GRIK2: variants seen among roughly 807,000 people sequenced by gnomAD.
GRIK2 encodes glutamate ionotropic receptor kainate type subunit 2.
GRIK2 carries 32 observed loss-of-function variants against 100.3 expected under a neutral mutation model. The observed-to-expected ratio is 0.32, with a 90% CI of 0.24 to 0.43. The LOEUF (loss-of-function observed/expected upper bound fraction) is 0.43. GRIK2 is among the 20% of genes least tolerant of loss of function. GRIK2 has a pLI of 1.00. For missense variants in GRIK2, 843 were observed against 1,114.9 expected (o/e 0.76, Z 3.47); for synonymous variants, 417 against 389.4 (o/e 1.07, Z -0.83).
chr6:102,020,360 G>A (rs564610643), intron 14 of GRIK2, among the ~76,000 whole-genome samples: 1 of 151,978 alleles, frequency 6.6e-6, no homozygotes, highest in African/African-American at 2.4e-5. Flanking sequence ...GAGATATTGG[G>A]ATCAACTCAG....
rs1769984596 is a variant in GRIK2, at chr6:102,031,255, C to T, written c.2086-4086C>T. Among the ~76,000 whole-genome samples, 10 of 151,034 alleles carry T rather than the reference C, an allele frequency of 6.6e-5. 1 individual carries two copies. The South Asian group carries it at 2.1e-3, about 31-fold the overall frequency. On this transcript the variant is annotated intron_variant, in intron 14 of 16. Coordinates refer to ENST00000369134, the MANE Select transcript of GRIK2 (RefSeq NM_021956.5). ...ACATCCATTGTAGTCTTAGTGATCT[C>T]TTCAAAATGCAAATCTGATTTCATC...
intron 2 of GRIK2, among the ~76,000 whole-genome samples, chr6:101,487,009 G>A (rs1772868541): frequency 6.8e-6 from 1 of 146,194 alleles, no homozygotes; most frequent in African/African-American, 2.6e-5. Flanking sequence ...CCCTTTTCAG[G>A]CAGTTTCATA....
At chr6:101,455,860 A>T (rs1770979836) in intron 2 of GRIK2, among the ~76,000 whole-genome samples, 1 of 152,080 alleles carries the variant, frequency 6.6e-6, no homozygotes, top group African/African-American at 2.4e-5. Flanking sequence ...ATGGGATCTG[A>T]TTGTACTATA....
intron 12 of GRIK2, among the ~76,000 whole-genome samples, chr6:101,894,308 A>G (rs978525632): frequency 6.6e-6 from 1 of 151,662 alleles, no homozygotes; most frequent in Non-Finnish European, 1.5e-5. Context: ...TTTTGTCTCC[A>G]TATAGTTTTA....
chr6:101,761,403 G>A (rs1328797603), intron 7 of GRIK2, among the ~76,000 whole-genome samples: 2 of 151,886 alleles, frequency 1.3e-5, no homozygotes, highest in East Asian at 3.9e-4. Flanking sequence ...TTCCCCTAAA[G>A]GCAAATATAA....
At chr6:101,789,725 T>C (rs1240590209) in intron 7 of GRIK2, among the ~76,000 whole-genome samples, 1 of 152,204 alleles carries the variant, frequency 6.6e-6, no homozygotes, top group African/African-American at 2.4e-5. Context: ...TAAAGTAGTT[T>C]TTTCCAATTC....
intron 12 of GRIK2, among the ~76,000 whole-genome samples, chr6:101,895,523 TCA>T (rs1787380780): frequency 6.6e-6 from 1 of 151,782 alleles, no homozygotes; most frequent in South Asian, 2.1e-4. Context: ...CATATTTTTG[TCA>T]CAGTGATGGG....
intron 13 of GRIK2, among the ~76,000 whole-genome samples, chr6:101,926,542 T>C (rs763713442): frequency 6.6e-6 from 1 of 152,210 alleles, no homozygotes; most frequent in Non-Finnish European, 1.5e-5. Context: ...TAGGACAAAC[T>C]TGCTATTAGT....
chr6:101,923,634 T>C (rs1789693326), intron 12 of GRIK2, among the ~76,000 whole-genome samples: 1 of 152,038 alleles, frequency 6.6e-6, no homozygotes, highest in Admixed American at 6.6e-5. Flanking sequence ...TAAAACTGCT[T>C]TGATGGCTCG....
intron 2 of GRIK2, among the ~76,000 whole-genome samples, chr6:101,427,968 T>G (rs1007768100): frequency 6.6e-6 from 1 of 152,212 alleles, no homozygotes; most frequent in Non-Finnish European, 1.5e-5. Flanking sequence ...TGCTAATTTC[T>G]AACCTTCAGA....
At chr6:101,507,263 G>T (rs1774071402) in intron 2 of GRIK2, among the ~76,000 whole-genome samples, 1 of 152,076 alleles carries the variant, frequency 6.6e-6, no homozygotes, top group Non-Finnish European at 1.5e-5. Flanking sequence ...TAGAGCACTT[G>T]ATTTTAATAG....
chr6:101,675,414 G>A (rs1770761736), intron 4 of GRIK2, among the ~76,000 whole-genome samples: 1 of 152,084 alleles, frequency 6.6e-6, no homozygotes, highest in Non-Finnish European at 1.5e-5. Flanking sequence ...CTGTATTGAT[G>A]AAGGTAGTTT....
At chr6:101,918,056 G>A (rs1314043065) in intron 12 of GRIK2, among the ~76,000 whole-genome samples, 4 of 151,388 alleles carry the variant, frequency 2.6e-5, no homozygotes, top group Non-Finnish European at 5.9e-5. Flanking sequence ...AATGAGGTGG[G>A]GAATTAATAT....
intron 2 of GRIK2, among the ~76,000 whole-genome samples, chr6:101,540,773 T>A (rs1471464875): frequency 1.3e-5 from 2 of 151,962 alleles, no homozygotes; most frequent in Non-Finnish European, 2.9e-5. Context: ...TTTCCTTGAT[T>A]TACAGATATA....
intron 7 of GRIK2, among the ~76,000 whole-genome samples, chr6:101,784,785 T>C (rs1475280136): frequency 6.6e-6 from 1 of 152,310 alleles, no homozygotes; most frequent in African/African-American, 2.4e-5. Context: ...CTTTGCCTTC[T>C]GCCATGATTT....
intron 14 of GRIK2, among the ~76,000 whole-genome samples, chr6:101,929,134 G>A (rs13198865): frequency 0.29 from 44,030 of 152,028 alleles, 7,050 homozygotes; most frequent in Non-Finnish European, 0.36. Flanking sequence ...GAGACACAGA[G>A]TTGAAAGGGG....
At chr6:101,652,300 A>G (rs1294773903) in intron 4 of GRIK2, among the ~76,000 whole-genome samples, 1 of 152,142 alleles carries the variant, frequency 6.6e-6, no homozygotes, top group Non-Finnish European at 1.5e-5. Flanking sequence ...TCCTTACCAT[A>G]AGAGGCCAGA....
intron 2 of GRIK2, among the ~76,000 whole-genome samples, chr6:101,457,111 T>A (rs1771050700): frequency 6.6e-6 from 1 of 152,170 alleles, no homozygotes; most frequent in Non-Finnish European, 1.5e-5. Flanking sequence ...TGACTATAAG[T>A]AAAAATGACA....
intron 14 of GRIK2, among the ~76,000 whole-genome samples, chr6:101,982,887 T>A (rs1793802053): frequency 6.6e-6 from 1 of 151,740 alleles, no homozygotes; most frequent in African/African-American, 2.4e-5. Context: ...GTTTGGCTCC[T>A]CTCTTTACTT....
Sources: allele counts gnomAD v4.1 joint callset (sites outside exome capture counted in the v4.1 genomes callset), GRCh38; gene constraint gnomAD v4.1.1; transcripts MANE v1.5; gene names NCBI Gene and HGNC (gene_info 2026-07-23, HGNC 2026-07-21).